Variants in C6orf89 observed in about 807,000 individuals in gnomAD.
C6orf89 encodes the protein chromosome 6 open reading frame 89.
A neutral mutation model predicts 40.7 loss-of-function variants in C6orf89; 29 were observed. The observed-to-expected ratio is 0.71, with a 90% confidence interval of 0.53 to 0.97. The LOEUF (loss-of-function observed/expected upper bound fraction) is 0.97, where lower values mean the gene tolerates loss of function less well. C6orf89 is among the 50% of genes least tolerant of loss of function. The probability of loss-of-function intolerance (pLI) is 0.00; values close to 1 mark genes in which losing one functional copy is unlikely to be tolerated. For synonymous variants in C6orf89, 165 were observed against 152.2 expected (o/e 1.08, Z -0.62); for missense variants, 392 against 429.1 (o/e 0.91, Z 0.76).
chr6:36,878,685 CTTAAT>C (rs1434956939), intron 1 of C6orf89, among the ~76,000 whole-genome samples: 1 of 139,802 alleles, frequency 7.2e-6, no homozygotes, highest in Non-Finnish European at 1.6e-5. Flanking sequence ...GAAAACTTAA[CTTAAT>C]AGTATATACC....
At chr6:36,887,692 T>C (rs1348302490) in intron 1 of C6orf89, among the ~76,000 whole-genome samples, 1 of 152,192 alleles carries the variant, frequency 6.6e-6, no homozygotes, top group African/African-American at 2.4e-5. Flanking sequence ...AGTGACCAGA[T>C]CATAAAGGGC....
intron 1 of C6orf89, among the ~76,000 whole-genome samples, chr6:36,872,137 T>C (rs1583121456): frequency 6.6e-6 from 1 of 152,192 alleles, no homozygotes; most frequent in East Asian, 1.9e-4. Context: ...TCTAATACTA[T>C]ACATATATAC....
At chr6:36,910,079 T>TGA (rs1196849796) in intron 4 of C6orf89, among the ~76,000 whole-genome samples, 2 of 151,930 alleles carry the variant, frequency 1.3e-5, no homozygotes, top group Non-Finnish European at 2.9e-5. Context: ...TTTATACAGG[T>TGA]GAGAACTCAT....
chr6:36,905,144 G>A (rs553565067), intron 4 of C6orf89, among the ~76,000 whole-genome samples: 4 of 152,196 alleles, frequency 2.6e-5, no homozygotes, highest in East Asian at 1.9e-4. Context: ...TCCATATATC[G>A]GCTTATTTAA....
rs948601641 is a variant in C6orf89 at position 36,925,041 on chromosome 6, C to A, written c.*1600C>A. ...CTCCTCCACGGGCTTCAGTGAAACT[C>A]CGATGAACTGTACCTGAGGGAATTT... On this transcript the variant is annotated 3_prime_UTR_variant, in exon 9 of 9. Coordinates refer to ENST00000480824, the MANE Select transcript of C6orf89 (RefSeq NM_001286635.2). The A allele has an allele frequency of 1.3e-5, 2 of 149,140 alleles. No individual in the cohort carries two copies. The highest frequency in any genetic ancestry group is 5.1e-5 in the African/African-American group (2 of 39,222). The allele number at this position is 149,140 out of a possible 1,614,324, so 9.2% of individuals were successfully genotyped here.
At chr6:36,880,674 T>C (rs1774783630) in intron 2 of C6orf89, among the ~76,000 whole-genome samples, 1 of 152,258 alleles carries the variant, frequency 6.6e-6, no homozygotes, top group African/African-American at 2.4e-5. Context: ...CTTTGACTTT[T>C]GAAAATTGTT....
At chr6:36,919,384 C>G (rs149540780) in intron 7 of C6orf89, among the ~76,000 whole-genome samples, 194 bp from the exon 8 acceptor site, 367 of 152,250 alleles carry the variant, frequency 2.4e-3, no homozygotes, top group African/African-American at 7.3e-3. Context: ...CCAAGAGATG[C>G]CATTCTTAGG....
intron 3 of C6orf89, 73 bp from the exon 4 acceptor site, chr6:36,902,148 T>G: frequency 1.5e-6 from 2 of 1,300,838 alleles, no homozygotes; most frequent in Non-Finnish European, 2.2e-6. Flanking sequence ...GAAGCCTGTT[T>G]TGTTTTGTTT....
At chr6:36,892,500 C>T (rs953589562) in intron 1 of C6orf89, among the ~76,000 whole-genome samples, 2 of 152,110 alleles carry the variant, frequency 1.3e-5, no homozygotes, top group Non-Finnish European at 2.9e-5. Context: ...TGCTGCTGTG[C>T]CCAACTCCTG....
At chr6:36,882,883 G>A (rs1220504055), upstream of C6orf89, among the ~76,000 whole-genome samples, 8 of 151,414 alleles carry the variant, frequency 5.3e-5, no homozygotes, top group Admixed American at 3.3e-4. Context: ...GACTACAGGC[G>A]CCCGCCACCG....
chr6:36,896,077 T>C lies in C6orf89; in HGVS notation c.-20+1474T>C, dbSNP rs772937358. 1.5e-3 allele frequency among the ~76,000 whole-genome samples: 233 copies of C among 152,340 alleles called. 5 individuals carry two copies. In the Middle Eastern group the frequency reaches 0.017, roughly 11 times the overall value. On this transcript the variant is annotated intron_variant, in intron 2 of 8. Coordinates refer to ENST00000480824, the MANE Select transcript of C6orf89 (RefSeq NM_001286635.2). ...TCTGCATTTCTCTGATGGTTAATAA[T>C]GTTGAGTATCTTTTTGTGTGTTTAT... is the stretch of plus-strand genomic sequence containing the variant.
intron 1 of C6orf89, among the ~76,000 whole-genome samples, chr6:36,893,497 C>G (rs1268426605): frequency 6.6e-6 from 1 of 152,150 alleles, no homozygotes; most frequent in Non-Finnish European, 1.5e-5. Context: ...GTCATAATCT[C>G]TCGGAAGAAG....
chr6:36,875,891 G>T (rs1356357631), intron 1 of C6orf89, among the ~76,000 whole-genome samples: 1 of 152,220 alleles, frequency 6.6e-6, no homozygotes, highest in African/African-American at 2.4e-5. Context: ...AAGGAATAAG[G>T]ATGTACAAGG....
intron 1 of C6orf89, among the ~76,000 whole-genome samples, chr6:36,887,483 A>G (rs1211179685): frequency 6.6e-6 from 1 of 152,186 alleles, no homozygotes; most frequent in East Asian, 1.9e-4. Context: ...AGGAAAATAG[A>G]TGTAATGCCA....
At chr6:36,914,781 G>A in intron 6 of C6orf89, 88 bp downstream of exon 6, 1 of 1,509,634 alleles carries the variant, frequency 6.6e-7, no homozygotes, top group Non-Finnish European at 9.1e-7. Context: ...CTTGAGCCTA[G>A]GAGTTGCAGA....
At chr6:36,890,961 T>C (rs1240389283) in intron 1 of C6orf89, among the ~76,000 whole-genome samples, 4 of 152,014 alleles carry the variant, frequency 2.6e-5, no homozygotes, top group Non-Finnish European at 5.9e-5. Context: ...TGTTTCTTTG[T>C]AGTGGTTCTT....
chr6:36,884,516 C>T (rs1341947798), upstream of C6orf89, among the ~76,000 whole-genome samples: 3 of 152,172 alleles, frequency 2.0e-5, no homozygotes, highest in Admixed American at 6.5e-5. The surrounding 1 kb of genome is among the most constrained non-coding windows in gnomAD (Gnocchi z 4.0). Context: ...ATCTCTACAA[C>T]GTCAAATGAT....
intron 2 of C6orf89, among the ~76,000 whole-genome samples, chr6:36,895,304 A>G (rs17552561): frequency 0.09 from 13,649 of 152,260 alleles, 769 homozygotes; most frequent in Admixed American, 0.13. Context: ...TTTTAATTGG[A>G]AATGCTACAT....
At chr6:36,889,917 A>C (rs1761130194) in intron 1 of C6orf89, among the ~76,000 whole-genome samples, 1 of 152,248 alleles carries the variant, frequency 6.6e-6, no homozygotes, top group Admixed American at 6.5e-5. Context: ...TCTGGTAAAA[A>C]CAGAAAGAAA....
Sources: allele counts gnomAD v4.1 joint callset (sites outside exome capture counted in the v4.1 genomes callset), GRCh38; gene constraint gnomAD v4.1.1; non-coding constraint Gnocchi (gnomAD v3.1); transcripts MANE v1.5; gene names NCBI Gene and HGNC (gene_info 2026-07-23, HGNC 2026-07-21).